RGS6: variants seen among roughly 807,000 people sequenced by gnomAD.
RGS6 encodes regulator of G protein signaling 6.
Under a neutral mutation model 78.5 loss-of-function variants are expected in RGS6, and 30 were observed. The ratio of observed to expected loss-of-function variants is 0.38; its 90% CI spans 0.29 to 0.52. RGS6 has a LOEUF of 0.52. RGS6 is among the 20% of genes least tolerant of loss of function. RGS6 has a pLI of 0.85. For synonymous variants in RGS6, 206 were observed against 206.0 expected (o/e 1.00, Z 0.00); for missense variants, 495 against 609.7 (o/e 0.81, Z 1.98).
chr14:72,003,504 A>G (rs2083898950), intron 2 of RGS6, among the ~76,000 whole-genome samples: 1 of 152,186 alleles, frequency 6.6e-6, no homozygotes, highest in African/African-American at 2.4e-5. Flanking sequence ...CCCGTGAAAG[A>G]ATTTTTAAAC....
At chr14:72,308,864 A>C (rs1292553035) in intron 2 of RGS6, among the ~76,000 whole-genome samples, 1 of 152,182 alleles carries the variant, frequency 6.6e-6, no homozygotes, top group Admixed American at 6.5e-5. Context: ...AACCTCCCTC[A>C]GTTCTCTAAA....
At chr14:72,557,014 A>G (rs17117446) in intron 17 of RGS6, among the ~76,000 whole-genome samples, 24,056 of 152,160 alleles carry the variant, frequency 0.16, 2,414 homozygotes, top group African/African-American at 0.27. Context: ...AGTAACACAG[A>G]CCCCAGGAAT....
chr14:71,988,277 A>AG lies in RGS6; in HGVS notation c.84+23404dup, dbSNP rs945435222. ...CATTAACTTCATTGCGTTGCTGGGA[A>AG]GGAGGGGTCAGTAGTTGAAACAAAA... is the stretch of plus-strand genomic sequence containing the variant. On this transcript the variant is annotated intron_variant, in intron 2 of 17. Coordinates refer to ENST00000553525, the MANE Select transcript of RGS6 (RefSeq NM_001204424.2). Among the ~76,000 whole-genome samples, 148 of 152,316 alleles carry AG rather than the reference A, an allele frequency of 9.7e-4. 1 individual carries two copies. Among genetic ancestry groups the AG allele is most frequent in the African/African-American group, 3.4e-3 (142 of 41,586 alleles).
At chr14:72,171,246 T>C (rs182959206) in intron 2 of RGS6, among the ~76,000 whole-genome samples, 5 of 152,120 alleles carry the variant, frequency 3.3e-5, no homozygotes, top group Admixed American at 1.3e-4. Context: ...AAGAGGCACA[T>C]GTACACATGT....
At chr14:71,888,847 G>A in the RGS6 span, among the ~76,000 whole-genome samples, 2 of 152,100 alleles carry the variant, frequency 1.3e-5, no homozygotes, top group African/African-American at 4.8e-5. Flanking sequence ...TATATCCTTA[G>A]TGTTATTCTT....
Position 72,123,408 on chromosome 14 carries a change from C to A in RGS6, c.84+158533C>A, listed in dbSNP as rs926426964. On this transcript the variant is annotated intron_variant, in intron 2 of 17. Transcript: ENST00000553525. ...AAATCAAGAAGCACAGTTTTGTAAGCTTTGCTTGGGTGTGGATTGGGAAGC... is the reference window on the plus strand; with the variant it reads ...AAATCAAGAAGCACAGTTTTGTAAGATTTGCTTGGGTGTGGATTGGGAAGC... Among the ~76,000 whole-genome samples, 5 of 152,264 alleles carry A rather than the reference C, an allele frequency of 3.3e-5. No homozygotes were observed. In the South Asian group the frequency reaches 1.0e-3, roughly 32 times the overall value.
At chr14:72,101,459 T>C (rs2095526060) in intron 2 of RGS6, among the ~76,000 whole-genome samples, 2 of 152,230 alleles carry the variant, frequency 1.3e-5, no homozygotes, top group Admixed American at 6.5e-5. Flanking sequence ...ATGAATGTTT[T>C]ATGATTCTGA....
intron 2 of RGS6, among the ~76,000 whole-genome samples, chr14:72,093,483 G>A (rs2095330315): frequency 6.6e-6 from 1 of 152,182 alleles, no homozygotes; most frequent in Non-Finnish European, 1.5e-5. Context: ...GGTTCAAGTG[G>A]TCCTCCCTCC....
chr14:72,065,270 G>T (rs1291105935), intron 2 of RGS6, among the ~76,000 whole-genome samples: 2 of 152,158 alleles, frequency 1.3e-5, no homozygotes, highest in African/African-American at 2.4e-5. Flanking sequence ...GGGGAACAGG[G>T]TTACAAATTG....
chr14:72,433,837 A>T (rs925045107), intron 3 of RGS6, among the ~76,000 whole-genome samples: 2 of 151,978 alleles, frequency 1.3e-5, no homozygotes, highest in African/African-American at 4.8e-5. Flanking sequence ...AAAGGGGGGG[A>T]TGATGACCAC....
At chr14:72,547,277 G>C (rs1445762936) in intron 17 of RGS6, 1 of 1,535,576 alleles carries the variant, frequency 6.5e-7, no homozygotes, top group African/African-American at 1.4e-5. Context: ...CACGGTCAAG[G>C]AGAGGAGACC....
the RGS6 span, among the ~76,000 whole-genome samples, chr14:72,604,190 A>G: frequency 6.6e-6 from 1 of 152,134 alleles, no homozygotes. Context: ...GCTCCATGGA[A>G]GAGTTTGCCC....
chr14:72,530,521 C>G (rs990269457), intron 15 of RGS6, among the ~76,000 whole-genome samples: 1 of 152,052 alleles, frequency 6.6e-6, no homozygotes, highest in Non-Finnish European at 1.5e-5. Context: ...AACACCGTCT[C>G]TACTAAAAAA....
chr14:72,098,231 C>T (rs2095449850), intron 2 of RGS6, among the ~76,000 whole-genome samples: 1 of 152,200 alleles, frequency 6.6e-6, no homozygotes, highest in African/African-American at 2.4e-5. Flanking sequence ...CCTCTTTGAA[C>T]CCTCTGGACC....
intron 1 of RGS6, among the ~76,000 whole-genome samples, chr14:71,957,425 G>A (rs1035486452): frequency 2.7e-5 from 4 of 150,650 alleles, no homozygotes; most frequent in African/African-American, 4.9e-5. Context: ...GATATATGAC[G>A]TGAGGACAGA....
At chr14:72,153,348 G>A (rs1268093672) in intron 2 of RGS6, among the ~76,000 whole-genome samples, 1 of 152,164 alleles carries the variant, frequency 6.6e-6, no homozygotes, top group African/African-American at 2.4e-5. Context: ...AGGTAGACTG[G>A]GCCAGTTGCA....
At chr14:72,383,251 G>T (rs549324454) in intron 3 of RGS6, among the ~76,000 whole-genome samples, 1 of 136,960 alleles carries the variant, frequency 7.3e-6, no homozygotes, top group South Asian at 2.4e-4. Flanking sequence ...GATGGGAGAG[G>T]GAGAAAGATT....
chr14:72,181,364 T>C (rs966771468), intron 2 of RGS6, among the ~76,000 whole-genome samples: 2 of 152,232 alleles, frequency 1.3e-5, no homozygotes, highest in Admixed American at 6.5e-5. Context: ...GTGCAGACAG[T>C]GTTCAAAGCC....
At chr14:72,018,389 A>T (rs1288095869) in intron 2 of RGS6, among the ~76,000 whole-genome samples, 4 of 151,638 alleles carry the variant, frequency 2.6e-5, no homozygotes. Context: ...AGTGGGTCTC[A>T]TTTTTTCTGT....
Sources: allele counts gnomAD v4.1 joint callset (sites outside exome capture counted in the v4.1 genomes callset), GRCh38; gene constraint gnomAD v4.1.1; transcripts MANE v1.5; gene names NCBI Gene and HGNC (gene_info 2026-07-23, HGNC 2026-07-21).